Variants in LUC7L3 observed in about 807,000 individuals in gnomAD.
LUC7L3 encodes the protein luc7-like protein 3.
Under a neutral mutation model 66.8 loss-of-function variants are expected in LUC7L3, and 6 were observed. The observed-to-expected ratio is 0.09, with a 90% CI of 0.05 to 0.18. The LOEUF is 0.18. Among genes scored for constraint, LUC7L3 ranks in the 10% least tolerant of loss-of-function variants. The pLI, the probability that LUC7L3 is intolerant of heterozygous loss-of-function variation, is 1.00. For synonymous variants in LUC7L3, 160 were observed against 174.7 expected (o/e 0.92, Z 0.66); for missense variants, 341 against 531.1 (o/e 0.64, Z 3.52).
chr17:50,735,467 TTTCCTTTTCGTTTTCCTTTTGCCTTTC>T (rs1378508422), intron 1 of LUC7L3, among the ~76,000 whole-genome samples: 1 of 152,130 alleles, frequency 6.6e-6, no homozygotes, highest in East Asian at 1.9e-4. Flanking sequence ...TCCTTTCCCT[TTTCCTTTTCGTTTTCCTTTTGCCTTTC>T]CTTTCTTTTT....
At chr17:50,720,514 A>G (rs1968674003) in intron 1 of LUC7L3, among the ~76,000 whole-genome samples, 1 of 152,246 alleles carries the variant, frequency 6.6e-6, no homozygotes, top group Admixed American at 6.5e-5. Flanking sequence ...AGTCTTGGCA[A>G]CTGAGGAAAC....
intron 1 of LUC7L3, among the ~76,000 whole-genome samples, chr17:50,721,089 G>A (rs1234459702): frequency 1.3e-5 from 2 of 151,786 alleles, no homozygotes; most frequent in East Asian, 1.9e-4. Context: ...TTATAGCGAA[G>A]TAACTTTTTT....
At chr17:50,743,096 GA>G (rs1229308765) in intron 5 of LUC7L3, among the ~76,000 whole-genome samples, 1 of 152,172 alleles carries the variant, frequency 6.6e-6, no homozygotes, top group East Asian at 1.9e-4. Flanking sequence ...AGGAGGTACT[GA>G]AAAGAGTAGG....
chr17:50,747,113 CATTT>C (rs902083535), intron 9 of LUC7L3, among the ~76,000 whole-genome samples: 4 of 151,694 alleles, frequency 2.6e-5, no homozygotes, highest in African/African-American at 7.3e-5. Flanking sequence ...TTGTAGCATT[CATTT>C]AAGTTAGTAA....
At position 50,735,246 on chromosome 17, in the gene LUC7L3, G is replaced by GA. The variant is rs373882860; in HGVS notation, c.100-1704dup. ...ACTCTGTCTCAAAAAAAAAAAAAAA[G>GA]AAAAAAAAAACTTTCGTGTCTGTGA... is the stretch of plus-strand genomic sequence containing the variant. On this transcript the variant is annotated intron_variant, in intron 1 of 9. Coordinates refer to ENST00000505658, the MANE Select transcript of LUC7L3 (RefSeq NM_016424.5). Among the ~76,000 whole-genome samples the GA allele has an allele frequency of 2.2e-4, 12 of 54,172 alleles. No individual in the cohort carries two copies. The South Asian group carries it at 3.1e-3, about 14-fold the overall frequency. The allele number at this position is 54,172 out of a possible 152,430, so 35.5% of individuals were successfully genotyped here.
intron 7 of LUC7L3, 97 bp from the exon 8 acceptor site, chr17:50,745,623 C>A: frequency 1.1e-6 from 1 of 870,784 alleles, no homozygotes; most frequent in Non-Finnish European, 1.8e-6. Context: ...GGCATCAATT[C>A]CATAAGTTGG....
At chr17:50,736,759 G>A (rs1250303560) in intron 1 of LUC7L3, 13 of 520,202 alleles carry the variant, frequency 2.5e-5, no homozygotes, top group Admixed American at 1.1e-4. Flanking sequence ...CTAGTAATAC[G>A]AGTACTGCAG....
In LUC7L3 at chr17:50,752,206, T is replaced by C. The variant is rs753848156; in HGVS notation, c.*1545T>C. 9.4e-5 allele frequency: 121 copies of C among 1,285,074 alleles called. No homozygotes were observed. Among genetic ancestry groups the C allele is most frequent in the Non-Finnish European group, 1.2e-4 (115 of 986,824 alleles). 79.6% of individuals were successfully genotyped at this position (1,285,074 alleles called of 1,614,324 possible). ...CCCAAATTTTGCGTTGTAGGACTAC[T>C]GTTCGAAGATTTTTGGAAGAATACT... On this transcript the variant is annotated 3_prime_UTR_variant, in exon 10 of 10. Transcript: ENST00000505658.
At chr17:50,749,519 A>G (rs955365050) in intron 9 of LUC7L3, among the ~76,000 whole-genome samples, 3 of 151,998 alleles carry the variant, frequency 2.0e-5, no homozygotes, top group South Asian at 2.1e-4. Flanking sequence ...CTCCCATACC[A>G]TGTTTTGTTT....
intron 1 of LUC7L3, among the ~76,000 whole-genome samples, chr17:50,732,892 C>G (rs1448216715): frequency 6.6e-6 from 1 of 152,084 alleles, no homozygotes; most frequent in Non-Finnish European, 1.5e-5. Flanking sequence ...ATGAGCCCCG[C>G]CAGGTACCCC....
At chr17:50,740,853 C>T (rs928844004) in intron 3 of LUC7L3, among the ~76,000 whole-genome samples, 1 of 152,156 alleles carries the variant, frequency 6.6e-6, no homozygotes, top group African/African-American at 2.4e-5. Context: ...AGCCACCATG[C>T]CCAGCCCCGA....
At position 50,752,508 on chromosome 17, in the gene LUC7L3, C is replaced by T. The variant is rs189752694; in HGVS notation, c.*1847C>T. The T allele has an allele frequency of 6.1e-6, 1 of 165,092 alleles. No individual in the cohort carries two copies. The highest frequency in any genetic ancestry group is 2.4e-5 in the African/African-American group (1 of 41,456). The allele number at this position is 165,092 out of a possible 1,614,324, so 10.2% of individuals were successfully genotyped here. A position where few individuals can be genotyped will look rare whatever the true frequency, so the allele number is the denominator to read the frequency against. On this transcript the variant is annotated 3_prime_UTR_variant, in exon 10 of 10. Coordinates refer to ENST00000505658, the MANE Select transcript of LUC7L3 (RefSeq NM_016424.5). ...CAGTGTTTAATTGCAAGTTTTCAAT[C>T]TTGGACTTTGAAAACAGGATTAAAC...
In LUC7L3 at chr17:50,734,463, A is replaced by C. The variant is rs552741320; in HGVS notation, c.100-2497A>C. On this transcript the variant is annotated intron_variant, in intron 1 of 9. Transcript: ENST00000505658. ...ATTACAGGTGTGAGCCACTGTGCCCAGCCTTTAAAACTTTTATTATGTTCT... is the reference window on the plus strand; with the variant it reads ...ATTACAGGTGTGAGCCACTGTGCCCCGCCTTTAAAACTTTTATTATGTTCT... Among the ~76,000 whole-genome samples, 34 of 152,248 alleles carry C rather than the reference A, an allele frequency of 2.2e-4. 1 individual carries two copies. In the South Asian group the frequency reaches 7.0e-3, roughly 32 times the overall value.
chr17:50,738,475 C>G (rs1489880890), intron 2 of LUC7L3, among the ~76,000 whole-genome samples: 1 of 152,178 alleles, frequency 6.6e-6, no homozygotes, highest in Non-Finnish European at 1.5e-5. Context: ...TCTTCAAAAT[C>G]TTAAGAAATT....
chr17:50,741,207 T>G lies in LUC7L3; in HGVS notation c.312T>G (p.His104Gln). 6.2e-7 allele frequency: 1 copy of G among 1,614,196 alleles called. No homozygotes were observed. Among genetic ancestry groups the G allele is most frequent in the Non-Finnish European group, 8.5e-7 (1 of 1,180,004 alleles). The change falls in exon 4 of 10, where the codon CAT (histidine) becomes CAG (glutamine). Residue 104 changes from histidine to glutamine, a missense_variant. Coordinates refer to ENST00000505658, the MANE Select transcript of LUC7L3 (RefSeq NM_016424.5). ...AEVERRIRRG[H>Q]ARLALSQNQQ... ...TAGAACGTAGGATCAGACGAGGCCATGCTCGTTTGGCATTATCTCAAAACC... is the reference window on the plus strand; with the variant it reads ...TAGAACGTAGGATCAGACGAGGCCAGGCTCGTTTGGCATTATCTCAAAACC...
intron 1 of LUC7L3, chr17:50,723,820 C>T (rs1191406996): frequency 5.8e-6 from 2 of 346,530 alleles, no homozygotes; most frequent in Admixed American, 7.7e-5. Flanking sequence ...TATTTTTAGT[C>T]GACAGGGTTT....
chr17:50,741,029 G>C, intron 3 of LUC7L3, 73 bp from the exon 4 acceptor site: 1 of 1,463,646 alleles, frequency 6.8e-7, no homozygotes, highest in Non-Finnish European at 9.6e-7. Context: ...GTTGAGGCTA[G>C]TTAAGATAGA....
chr17:50,743,906 C>A, intron 6 of LUC7L3, 96 bp downstream of exon 6: 1 of 895,968 alleles, frequency 1.1e-6, no homozygotes, highest in Non-Finnish European at 1.7e-6. Context: ...ATGTTCCAAA[C>A]TTAGAGTCAG....
At chr17:50,719,929 C>A in intron 1 of LUC7L3, 98 bp downstream of exon 1, 3 of 1,114,638 alleles carry the variant, frequency 2.7e-6, no homozygotes, top group Non-Finnish European at 3.7e-6. Context: ...GTGGCCAGGG[C>A]CGCACCCGGG....
Sources: gnomAD v4.1 joint callset for allele counts (sites outside exome capture counted in the v4.1 genomes callset) on GRCh38, gnomAD v4.1.1 for gene constraint, MANE v1.5 for transcripts, NCBI Gene and HGNC (gene_info 2026-07-23, HGNC 2026-07-21) for gene names.